Variants in RPGRIP1 observed in about 807,000 individuals in gnomAD.
RPGRIP1 encodes RPGR interacting protein 1.
Under a neutral mutation model 157.9 loss-of-function variants are expected in RPGRIP1, and 128 were observed. That is an observed-to-expected ratio of 0.81 (90% CI 0.70 to 0.94). The LOEUF (loss-of-function observed/expected upper bound fraction) is 0.94, where lower values mean the gene tolerates loss of function less well. Ranked by LOEUF, RPGRIP1 falls within the 40% of genes least tolerant of loss-of-function variation. The probability of loss-of-function intolerance (pLI) is 0.00; values close to 1 mark genes in which losing one functional copy is unlikely to be tolerated. For missense variants in RPGRIP1, 1,486 were observed against 1,545.8 expected, an observed-to-expected ratio of 0.96 and a Z score of 0.65; for synonymous variants, 554 against 571.6, an observed-to-expected ratio of 0.97 and a Z score of 0.44.
At chr14:21,282,270 C>T (rs1214216060) in intron 1 of RPGRIP1, among the ~76,000 whole-genome samples, 1 of 151,982 alleles carries the variant, frequency 6.6e-6, no homozygotes, top group Non-Finnish European at 1.5e-5. Context: ...CGGAGTCTTG[C>T]TCTGTCACCC....
At chr14:21,304,962 C>G (rs548743654) in intron 6 of RPGRIP1, among the ~76,000 whole-genome samples, 2 of 152,086 alleles carry the variant, frequency 1.3e-5, no homozygotes, top group African/African-American at 2.4e-5. Context: ...CCACCATGCC[C>G]GGCTAATTTT....
At chr14:21,298,683 T>C (rs1880896282) in intron 3 of RPGRIP1, among the ~76,000 whole-genome samples, 1 of 152,038 alleles carries the variant, frequency 6.6e-6, no homozygotes, top group South Asian at 2.1e-4. Flanking sequence ...GGCTCATGCC[T>C]GTAATTCCAG....
intron 6 of RPGRIP1, 31 bp from the exon 7 acceptor site, chr14:21,307,700 A>C: frequency 3.0e-6 from 4 of 1,333,062 alleles, no homozygotes; most frequent in South Asian, 1.3e-5. Flanking sequence ...ATCCATGTTC[A>C]GACAGAATAA....
chr14:21,311,884 G>C lies in RPGRIP1; in HGVS notation c.991G>C (p.Ala331Pro), dbSNP rs765512694. The C allele has an allele frequency of 1.2e-6, 2 of 1,612,182 alleles. No homozygotes were observed. Among genetic ancestry groups the C allele is most frequent in the South Asian group, 1.1e-5 (1 of 90,590 alleles). ...ALLKQVNELR[A>P]ELKEESKKAV... ...CCTCAAGCAAGTGAATGAGCTCAGG[G>C]CAGAGCTGAAGGAAGAAAGCAAGAA... Residue 331 changes from alanine to proline, a missense_variant, in exon 9 of 25, where the codon GCA becomes CCA. Physicochemically the swap from Ala to Pro is conservative, Grantham distance 27 (BLOSUM62 -1). Transcript: ENST00000400017.
At chr14:21,292,001 TC>T (rs1329846792) in intron 2 of RPGRIP1, among the ~76,000 whole-genome samples, 2 of 152,100 alleles carry the variant, frequency 1.3e-5, no homozygotes, top group African/African-American at 4.8e-5. Context: ...CTCGTGATCC[TC>T]CGGCCTCAGC....
chr14:21,291,797 G>A (rs1429982488), intron 2 of RPGRIP1, among the ~76,000 whole-genome samples: 1 of 151,914 alleles, frequency 6.6e-6, no homozygotes, highest in Non-Finnish European at 1.5e-5. Flanking sequence ...TCTCGCTTTT[G>A]TTGCCCAGGC....
In RPGRIP1 at chr14:21,307,801, G is replaced by A. The variant is rs1881380068; in HGVS notation, c.871G>A (p.Val291Ile). The change falls in exon 7 of 25, where the codon GTT (valine) becomes ATT (isoleucine). Residue 291 changes from valine (V) to isoleucine (I), a missense_variant. By Grantham distance (29) the Val-to-Ile change is conservative. Transcript: ENST00000400017. Reference protein sequence around the residue: ...KLLHERNASLVMTKAQLTEVQ... With the variant: ...KLLHERNASLIMTKAQLTEVQ... ...CTTACATGAAAGAAATGCTTCATTG[G>A]TTATGACAAAAGCACAATTAACAGA... 1.9e-6 allele frequency: 3 copies of A among 1,566,176 alleles called. No homozygotes were observed. The African/African-American group carries it at 4.1e-5, about 21-fold the overall frequency.
intron 10 of RPGRIP1, among the ~76,000 whole-genome samples, chr14:21,312,796 C>A (rs1881595980): frequency 6.6e-6 from 1 of 151,380 alleles, no homozygotes; most frequent in Non-Finnish European, 1.5e-5. Flanking sequence ...TCAAACGATT[C>A]TCCTGACTCT....
rs111254182 is a variant in RPGRIP1, at chr14:21,341,981, A to G, written c.3340-1055A>G. On this transcript the variant is annotated intron_variant, in intron 21 of 24. Coordinates refer to ENST00000400017, the MANE Select transcript of RPGRIP1 (RefSeq NM_020366.4). The stretch of plus-strand genomic sequence containing the variant: ...AGGAGAATGGCGGGAACCCGGGAAG[A>G]AGAGCTTGCTGTGAGCCGAGATCGT... 5.4e-3 allele frequency among the ~76,000 whole-genome samples: 825 copies of G among 151,694 alleles called. 10 individuals carry two copies. The highest frequency in any genetic ancestry group is 0.019 in the African/African-American group (781 of 41,352).
chr14:21,315,333 C>T (rs1254654218), intron 10 of RPGRIP1, among the ~76,000 whole-genome samples: 2 of 151,704 alleles, frequency 1.3e-5, no homozygotes, highest in African/African-American at 2.4e-5. Context: ...CGGTGAAACC[C>T]CGTCTCTACT....
chr14:21,349,622 G>T (rs1018187757), intron 24 of RPGRIP1, among the ~76,000 whole-genome samples: 4 of 150,790 alleles, frequency 2.7e-5, no homozygotes, highest in Middle Eastern at 7.1e-3. Flanking sequence ...GGCTGGTCTC[G>T]AACTCCCAAC....
chr14:21,312,042 CA>C, intron 9 of RPGRIP1, 72 bp downstream of exon 9: 1 of 1,357,762 alleles, frequency 7.4e-7, no homozygotes, highest in South Asian at 1.3e-5. Context: ...ATCTTAGCAA[CA>C]ATATGAGTAT....
intron 24 of RPGRIP1, among the ~76,000 whole-genome samples, chr14:21,349,068 A>ATTTTTTT (rs397709409): frequency 1.8e-5 from 2 of 113,424 alleles, no homozygotes; most frequent in African/African-American, 7.0e-5. Context: ...CCTTACTACA[A>ATTTTTTT]TTTTTTTTTT....
intron 21 of RPGRIP1, among the ~76,000 whole-genome samples, chr14:21,338,400 G>A (rs1279901954): frequency 6.6e-6 from 1 of 152,182 alleles, no homozygotes; most frequent in Non-Finnish European, 1.5e-5. Context: ...AGTTTTGGCA[G>A]CCCTGCCCCC....
At chr14:21,327,414 A>G (rs1402217329) in intron 17 of RPGRIP1, among the ~76,000 whole-genome samples, 1 of 152,168 alleles carries the variant, frequency 6.6e-6, no homozygotes, top group Non-Finnish European at 1.5e-5. Flanking sequence ...CCTAGAGATA[A>G]CCCATCTTCC....
chr14:21,298,652 G>A lies in RPGRIP1; in HGVS notation c.219-2314G>A, dbSNP rs114250163. On this transcript the variant is annotated intron_variant, in intron 3 of 24. Coordinates refer to ENST00000400017, the MANE Select transcript of RPGRIP1 (RefSeq NM_020366.4). Reference sequence around the variant, plus strand: ...TGATTAAGATCTTCGTTTAGAATCTGCAGGATTGGCCGGGCGTGGTGGCTC... The same window carrying A: ...TGATTAAGATCTTCGTTTAGAATCTACAGGATTGGCCGGGCGTGGTGGCTC... 6.6e-3 allele frequency among the ~76,000 whole-genome samples: 980 copies of A among 149,290 alleles called. 14 individuals carry two copies. Among genetic ancestry groups the A allele is most frequent in the African/African-American group, 0.023 (939 of 40,604 alleles).
chr14:21,321,184 C>T, intron 12 of RPGRIP1, 75 bp from the exon 13 acceptor site: 4 of 1,456,558 alleles, frequency 2.7e-6, no homozygotes, highest in Non-Finnish European at 1.8e-6. Flanking sequence ...CTACCAACAA[C>T]TGTTTTATGG....
In RPGRIP1 at chr14:21,325,989, T is replaced by C. The variant is rs772872060; in HGVS notation, c.2526T>C (p.Ser842=). Reference sequence around the variant, plus strand: ...ATGACACTGCCATCATTCCAGCCAGTAACAACCCCTACTTTAGAGACCAGG... The same window carrying C: ...ATGACACTGCCATCATTCCAGCCAGCAACAACCCCTACTTTAGAGACCAGG... The part of the protein sequence containing the change: ...SDHDTAIIPA[S]NNPYFRDQAR... The change falls in exon 17 of 25, where the codon AGT becomes AGC. Residue 842 remains serine (S), a synonymous_variant. Coordinates refer to ENST00000400017, the MANE Select transcript of RPGRIP1 (RefSeq NM_020366.4). The C allele has an allele frequency of 1.2e-6, 2 of 1,614,022 alleles. No individual in the cohort carries two copies. The highest frequency in any genetic ancestry group is 1.7e-6 in the Non-Finnish European group (2 of 1,179,904).
At chr14:21,309,709 A>G (rs1242228118) in intron 7 of RPGRIP1, among the ~76,000 whole-genome samples, 2 of 152,190 alleles carry the variant, frequency 1.3e-5, no homozygotes, top group African/African-American at 4.8e-5. Flanking sequence ...AGAACATGCT[A>G]GGAATTTAGA....
Sources: gnomAD v4.1 joint callset for allele counts (sites outside exome capture counted in the v4.1 genomes callset) on GRCh38, gnomAD v4.1.1 for gene constraint, MANE v1.5 for transcripts, NCBI Gene and HGNC (gene_info 2026-07-23, HGNC 2026-07-21) for gene names.